Variants in FBXL3 observed in about 807,000 individuals in gnomAD.
FBXL3 encodes F-box/LRR-repeat protein 3.
FBXL3 carries 14 observed loss-of-function variants against 37.9 expected under a neutral mutation model. The observed-to-expected ratio is 0.37, with a 90% confidence interval of 0.24 to 0.58. The LOEUF (loss-of-function observed/expected upper bound fraction) is 0.58, where lower values mean the gene tolerates loss of function less well. FBXL3 is among the 20% of genes least tolerant of loss of function. FBXL3 has a pLI of 0.74. For synonymous variants in FBXL3, 194 were observed against 180.1 expected, an observed-to-expected ratio of 1.08 and a Z score of -0.62; for missense variants, 327 against 511.1, an observed-to-expected ratio of 0.64 and a Z score of 3.47.
At position 77,027,086 on chromosome 13, in the gene FBXL3, G is replaced by GC. The variant is rs1460778507; in HGVS notation, c.-262dup. 1.3e-5 allele frequency: 2 copies of GC among 152,004 alleles called. No individual in the cohort carries two copies. Among genetic ancestry groups the GC allele is most frequent in the Non-Finnish European group, 2.9e-5 (2 of 68,026 alleles). The allele number at this position is 152,004 out of a possible 1,614,324, so 9.4% of individuals were successfully genotyped here. A position where few individuals can be genotyped will look rare whatever the true frequency, so the allele number is the denominator to read the frequency against. ...CTGTCTGTGTTCAGGGATCCCCGGC[G>GC]CCGCGAGAGACTACCTCAGCGAGCG... On this transcript the variant is annotated 5_prime_UTR_variant, in exon 1 of 5. Transcript: ENST00000355619.
chr13:77,026,086 TAGAA>T (rs1566234272), intron 1 of FBXL3: 1 of 740,270 alleles, frequency 1.4e-6, no homozygotes, highest in East Asian at 1.3e-4. Flanking sequence ...TTTTTCAAGT[TAGAA>T]AAGGAGGATT....
At chr13:77,018,134 C>T (rs1383457385) in intron 3 of FBXL3, 1 of 152,030 alleles carries the variant, frequency 6.6e-6, no homozygotes, top group Non-Finnish European at 1.5e-5. Flanking sequence ...GTCTTTAAGT[C>T]TGTAAATTAA....
At chr13:77,018,871 G>A in intron 2 of FBXL3, 149 bp from the exon 3 acceptor site, 1 of 607,712 alleles carries the variant, frequency 1.6e-6, no homozygotes, top group East Asian at 3.5e-5. Context: ...CTAGTTTATT[G>A]CATTATAACT....
intron 1 of FBXL3, among the ~76,000 whole-genome samples, chr13:77,022,831 A>C (rs879604216): frequency 6.6e-6 from 1 of 152,202 alleles, no homozygotes; most frequent in Non-Finnish European, 1.5e-5. Flanking sequence ...ATTATGGCTA[A>C]AGAGAATGGG....
chr13:77,012,534 G>C (rs1256092635), intron 4 of FBXL3, among the ~76,000 whole-genome samples: 1 of 152,102 alleles, frequency 6.6e-6, no homozygotes, highest in Non-Finnish European at 1.5e-5. Context: ...AGTTCAACCT[G>C]ATAATTAATA....
chr13:77,007,094 TTAA>T lies in FBXL3; in HGVS notation c.*48_*50del, dbSNP rs766450941. On this transcript the variant is annotated 3_prime_UTR_variant, in exon 5 of 5. Transcript: ENST00000355619. ...TATCAGAACTACAGCAAATAAAACT[TTAA>T]TTATAATACATTTGCTTGAAATTAA... The T allele has an allele frequency of 6.6e-7, 1 of 1,521,742 alleles. No individual in the cohort carries two copies. Among genetic ancestry groups the T allele is most frequent in the Non-Finnish European group, 8.8e-7 (1 of 1,141,994 alleles). 94.3% of individuals were successfully genotyped at this position (1,521,742 alleles called of 1,614,324 possible). A position where few individuals can be genotyped will look rare whatever the true frequency, so the allele number is the denominator to read the frequency against.
rs1331359338 is a variant in FBXL3 at position 77,021,865 on chromosome 13, T to A, written c.-1-4A>T. 2 of 1,578,268 alleles carry A rather than the reference T, an allele frequency of 1.3e-6. No homozygotes were observed. Among genetic ancestry groups the A allele is most frequent in the African/African-American group, 2.7e-5 (2 of 73,136 alleles). ...ATCTCTTCCTCCTCGTTTCATCCTA[T>A]TCCGAAAAATGCATCAGTTTTTTTC... is the stretch of plus-strand genomic sequence containing the variant. On this transcript the variant is annotated splice_region_variant and splice_polypyrimidine_tract_variant and intron_variant, in intron 1 of 4. Coordinates refer to ENST00000355619, the MANE Select transcript of FBXL3 (RefSeq NM_012158.4).
At chr13:77,011,958 G>C (rs2034562706) in intron 4 of FBXL3, among the ~76,000 whole-genome samples, 1 of 152,112 alleles carries the variant, frequency 6.6e-6, no homozygotes. Context: ...TAAACCATAT[G>C]TCCGCACAAA....
chr13:77,024,034 A>G (rs2034795117), intron 1 of FBXL3, among the ~76,000 whole-genome samples: 1 of 152,222 alleles, frequency 6.6e-6, no homozygotes, highest in Admixed American at 6.5e-5. Flanking sequence ...GATCAGGGAG[A>G]GAACAAGAGA....
Position 77,006,799 on chromosome 13 carries a change from G to T in FBXL3, c.*346C>A. The T allele has an allele frequency of 9.7e-7, 1 of 1,027,838 alleles. No individual in the cohort carries two copies. The highest frequency in any genetic ancestry group is 1.2e-6 in the Non-Finnish European group (1 of 852,142). 63.7% of individuals were successfully genotyped at this position (1,027,838 alleles called of 1,614,324 possible). A position where few individuals can be genotyped will look rare whatever the true frequency, so the allele number is the denominator to read the frequency against. ...TTACATTTTTTTTTAAATGCATAGA[G>T]AATATAACATTTCAGAAAACCTATT... On this transcript the variant is annotated 3_prime_UTR_variant, in exon 5 of 5. Transcript: ENST00000355619.
chr13:77,016,747 T>C (rs1593930165), intron 3 of FBXL3: 2 of 152,560 alleles, frequency 1.3e-5, no homozygotes, highest in East Asian at 1.9e-4. Flanking sequence ...CCCAGGCTGA[T>C]CTTGAACTCC....
At position 77,008,375 on chromosome 13, in the gene FBXL3, A is replaced by G. The variant is rs550179368; in HGVS notation, c.644-587T>C. On this transcript the variant is annotated intron_variant, in intron 4 of 4. Transcript: ENST00000355619. ...CAAGATATCACTAAGTATGTCAAAA[A>G]TAACTACTCAATTCACATTAATGGA... is the stretch of plus-strand genomic sequence containing the variant. Among the ~76,000 whole-genome samples the G allele has an allele frequency of 4.7e-4, 71 of 152,358 alleles. No homozygotes were observed. The South Asian group carries it at 0.012, about 25-fold the overall frequency.
chr13:77,015,409 C>T lies in FBXL3; in HGVS notation c.643G>A (p.Gly215Ser). 6.5e-7 allele frequency: 1 copy of T among 1,536,952 alleles called. No individual in the cohort carries two copies. The highest frequency in any genetic ancestry group is 8.7e-7 in the Non-Finnish European group (1 of 1,143,784). Residue 215 changes from glycine (G) to serine (S), a missense_variant and splice_region_variant, in exon 4 of 5, where the codon GGT becomes AGT. By Grantham distance (56) the Gly-to-Ser change is moderately conservative. Transcript: ENST00000355619. Reference protein sequence around the residue: ...MSSCPHVSPAGILCVADQCHG... With the variant: ...MSSCPHVSPASILCVADQCHG... Reference sequence around the variant, plus strand: ...GTGTCTAGCAAAAAACACAACATACCTGCTGGAGAGACATGAGGACAGCTG... The same window carrying T: ...GTGTCTAGCAAAAAACACAACATACTTGCTGGAGAGACATGAGGACAGCTG...
In FBXL3 at chr13:77,018,665, T is replaced by C; in HGVS notation, c.406A>G (p.Asn136Asp). ...AGTCCAAGTGTTTTTAAAGAGCAAT[T>C]CACAAGTTGCGATAGTATATCACAA... ...AACDILSQLV[N>D]CSLKTLGLIS... The change falls in exon 3 of 5, where the codon AAT (asparagine) becomes GAT (aspartate). Residue 136 changes from asparagine to aspartate, a missense_variant. Transcript: ENST00000355619. 1 of 1,596,148 alleles carries C rather than the reference T, an allele frequency of 6.3e-7. No homozygotes were observed. The highest frequency in any genetic ancestry group is 8.5e-7 in the Non-Finnish European group (1 of 1,172,026).
intron 4 of FBXL3, chr13:77,009,399 C>T (rs1434543160): frequency 6.6e-6 from 1 of 152,230 alleles, no homozygotes; most frequent in East Asian, 1.9e-4. Flanking sequence ...GTGATCTTGG[C>T]TCACTGCAAC....
rs74096172 is a variant in FBXL3, at chr13:77,026,399, T to C, written c.-2+428A>G. On this transcript the variant is annotated intron_variant, in intron 1 of 4. Coordinates refer to ENST00000355619, the MANE Select transcript of FBXL3 (RefSeq NM_012158.4). ...TGCGCCCCACCCTGGGCAGTTTGCT[T>C]TGACATTTCAGTGCCTCATTGCTCA... 0.013 allele frequency: 12,879 copies of C among 983,638 alleles called. 1,329 individuals are homozygous for C. In the African/African-American group the frequency reaches 0.21, roughly 16 times the overall value. 60.9% of individuals were successfully genotyped at this position (983,638 alleles called of 1,614,324 possible). A position where few individuals can be genotyped will look rare whatever the true frequency, so the allele number is the denominator to read the frequency against.
chr13:77,020,202 A>C (rs954804734), intron 2 of FBXL3, among the ~76,000 whole-genome samples: 5 of 152,238 alleles, frequency 3.3e-5, no homozygotes, highest in African/African-American at 1.2e-4. Context: ...TCAGGTAAAC[A>C]ACAGATATTT....
In FBXL3 at chr13:77,006,627, C is replaced by T. The variant is rs2034455837; in HGVS notation, c.*518G>A. The T allele has an allele frequency of 5.0e-6, 1 of 198,020 alleles. No individual in the cohort carries two copies. The highest frequency in any genetic ancestry group is 9.1e-6 in the Non-Finnish European group (1 of 109,384). The allele number at this position is 198,020 out of a possible 1,614,324, so 12.3% of individuals were successfully genotyped here. On this transcript the variant is annotated 3_prime_UTR_variant, in exon 5 of 5. Transcript: ENST00000355619. ...ACTTATATATACCTTTTTCTTTAAA[C>T]AGCTTTGTAACATTTGAGAACATTC...
At position 77,026,232 on chromosome 13, in the gene FBXL3, A is replaced by G. The variant is rs1028630636; in HGVS notation, c.-2+595T>C. 4.1e-6 allele frequency: 4 copies of G among 985,270 alleles called. No individual in the cohort carries two copies. The African/African-American group carries it at 7.0e-5, about 17-fold the overall frequency. The allele number at this position is 985,270 out of a possible 1,614,324, so 61.0% of individuals were successfully genotyped here. On this transcript the variant is annotated intron_variant, in intron 1 of 4. Coordinates refer to ENST00000355619, the MANE Select transcript of FBXL3 (RefSeq NM_012158.4). ...CTTCCTGACCCCTGTCTGCAACCCC[A>G]CCTAAAGGACTGCCCACGCCAAAGG...
Sources: gnomAD v4.1 joint callset for allele counts (sites outside exome capture counted in the v4.1 genomes callset) on GRCh38, gnomAD v4.1.1 for gene constraint, MANE v1.5 for transcripts, NCBI Gene and HGNC (gene_info 2026-07-23, HGNC 2026-07-21) for gene names.